Variants in JAK2 observed in about 807,000 individuals in gnomAD.
JAK2 encodes Janus kinase 2, also known as tyrosine-protein kinase JAK2.
JAK2 carries 86 observed loss-of-function variants against 139.3 expected under a neutral mutation model. The observed-to-expected ratio is 0.62, with a 90% CI of 0.52 to 0.74. The LOEUF is 0.74. Among genes scored for constraint, JAK2 ranks in the 30% least tolerant of loss-of-function variants. The probability of loss-of-function intolerance (pLI) is 0.00; values close to 1 mark genes in which losing one functional copy is unlikely to be tolerated. For synonymous variants in JAK2, 490 were observed against 437.7 expected, an observed-to-expected ratio of 1.12 and a Z score of -1.49; for missense variants, 1,421 against 1,360.3, an observed-to-expected ratio of 1.04 and a Z score of -0.70.
chr9:5,114,077 C>A, intron 22 of JAK2: 1 of 341,006 alleles, frequency 2.9e-6, no homozygotes. Context: ...AGCTCACCCT[C>A]ACCCAGAAGC....
intron 5 of JAK2, among the ~76,000 whole-genome samples, chr9:5,047,513 T>C (rs1261925796): frequency 6.6e-6 from 1 of 152,248 alleles, no homozygotes; most frequent in Non-Finnish European, 1.5e-5. Context: ...TCAACAACAA[T>C]TGGATGTTTA....
At chr9:5,034,860 A>C (rs1823454217) in intron 4 of JAK2, among the ~76,000 whole-genome samples, 1 of 152,220 alleles carries the variant, frequency 6.6e-6, no homozygotes, top group Admixed American at 6.5e-5. Flanking sequence ...TTCAAAAGCT[A>C]GCAGAAGGCA....
At chr9:4,988,386 T>C (rs1315778017) in intron 2 of JAK2, among the ~76,000 whole-genome samples, 1 of 152,246 alleles carries the variant, frequency 6.6e-6, no homozygotes, top group East Asian at 1.9e-4. Flanking sequence ...GAACAGGAAA[T>C]GACAGTGTGG....
chr9:5,077,387 T>G, intron 14 of JAK2, 66 bp from the exon 15 acceptor site: 1 of 566,072 alleles, frequency 1.8e-6, no homozygotes. Flanking sequence ...TATAAAGATT[T>G]AAATTACATA....
chr9:5,056,482 G>T (rs10974939), intron 8 of JAK2, among the ~76,000 whole-genome samples: 35,224 of 151,908 alleles, frequency 0.23, 4,425 homozygotes, highest in South Asian at 0.3. Flanking sequence ...CTGTCTGGCT[G>T]TTCCAGGGTT....
In JAK2 at chr9:5,122,841, G is replaced by A. The variant is rs576466577; in HGVS notation, c.3060-163G>A. ...TCCCTCCTGAAATCTAAGTTCACAG[G>A]TGCCAGGCAAAAAGGCCCTTTTAAT... On this transcript the variant is annotated intron_variant, in intron 22 of 24. Coordinates refer to ENST00000381652, the MANE Select transcript of JAK2 (RefSeq NM_004972.4). Among the ~76,000 whole-genome samples the A allele has an allele frequency of 3.5e-5, 5 of 142,068 alleles. No individual in the cohort carries two copies. In the South Asian group the frequency reaches 1.1e-3, roughly 32 times the overall value. 93.2% of individuals were successfully genotyped at this position (142,068 alleles called of 152,430 possible).
intron 13 of JAK2, 57 bp downstream of exon 13, chr9:5,072,683 A>C: frequency 2.3e-6 from 3 of 1,333,112 alleles, no homozygotes; most frequent in Non-Finnish European, 3.0e-6. Flanking sequence ...ATGTGCTCTC[A>C]TATGCATACA....
intron 14 of JAK2, among the ~76,000 whole-genome samples, chr9:5,076,528 GT>G (rs905837290): frequency 1.6e-4 from 25 of 151,912 alleles, no homozygotes; most frequent in African/African-American, 6.0e-4. Context: ...TATATTCTTT[GT>G]TTTTTTTAAG....
At chr9:5,067,301 C>A (rs10815150) in intron 10 of JAK2, among the ~76,000 whole-genome samples, 52,152 of 151,802 alleles carry the variant, frequency 0.34, 9,708 homozygotes, top group African/African-American at 0.5. Flanking sequence ...CATGTTTCAA[C>A]GGTAAAACTG....
intron 10 of JAK2, among the ~76,000 whole-genome samples, chr9:5,068,173 AC>A (rs1220588981): frequency 2.8e-4 from 24 of 84,410 alleles, no homozygotes; most frequent in African/African-American, 2.1e-3. Flanking sequence ...AAAAACAACA[AC>A]AAAAAAAAAA....
chr9:5,112,443 G>A, intron 22 of JAK2: 1 of 529,552 alleles, frequency 1.9e-6, no homozygotes, highest in South Asian at 2.4e-5. Context: ...CTCAAGAGGA[G>A]AAGAAGGAGC....
rs138171213 is a variant in JAK2, at chr9:5,114,232, G to A, written c.3060-8772G>A. 2.3e-5 allele frequency: 12 copies of A among 521,896 alleles called. No homozygotes were observed. In the Middle Eastern group the frequency reaches 3.0e-3, roughly 132 times the overall value. The allele number at this position is 521,896 out of a possible 1,614,324, so 32.3% of individuals were successfully genotyped here. On this transcript the variant is annotated intron_variant, in intron 22 of 24. Transcript: ENST00000381652. ...TCCAGCCCCTTCTACCTGTTCATCC[G>A]CAAGTTGCCCACAATCACCTGTCTG...
chr9:5,081,893 T>C (rs1397913768), intron 19 of JAK2, 32 bp downstream of exon 19: 4 of 1,559,064 alleles, frequency 2.6e-6, no homozygotes, highest in Non-Finnish European at 3.5e-6. Flanking sequence ...AAATAGAGTA[T>C]AATCATTTCA....
rs1824134198 is a variant in JAK2, at chr9:5,128,248, G to T, written c.*1457G>T. On this transcript the variant is annotated 3_prime_UTR_variant, in exon 25 of 25. Transcript: ENST00000381652. Reference sequence around the variant, plus strand: ...AAGACTTCTGATTTTGGGTTGAAGGGAAGGAAAAGGAAGAAATGTTTTTTA... The same window carrying T: ...AAGACTTCTGATTTTGGGTTGAAGGTAAGGAAAAGGAAGAAATGTTTTTTA... The T allele has an allele frequency of 4.3e-6, 1 of 230,388 alleles. No individual in the cohort carries two copies. Among genetic ancestry groups the T allele is most frequent in the South Asian group, 1.8e-4 (1 of 5,498 alleles). The allele number at this position is 230,388 out of a possible 1,614,324, so 14.3% of individuals were successfully genotyped here.
At chr9:4,990,242 A>T (rs147620540) in intron 2 of JAK2, among the ~76,000 whole-genome samples, 1 of 152,316 alleles carries the variant, frequency 6.6e-6, no homozygotes, top group Non-Finnish European at 1.5e-5. Flanking sequence ...ATCTTAGAAC[A>T]TCTAAGTCTA....
chr9:4,992,358 A>G lies in JAK2; in HGVS notation c.-26+6336A>G, dbSNP rs78613331. On this transcript the variant is annotated intron_variant, in intron 2 of 24. Transcript: ENST00000381652. The stretch of plus-strand genomic sequence containing the variant: ...GATTTAGCCTTGGTAGCTGCACAGT[A>G]TAACTTCTGCCATGTCCTACTGGTT... 2.6e-5 allele frequency among the ~76,000 whole-genome samples: 4 copies of G among 152,336 alleles called. No homozygotes were observed. The East Asian group carries it at 5.8e-4, about 22-fold the overall frequency.
At chr9:5,064,862 C>A in intron 8 of JAK2, 21 bp from the exon 9 acceptor site, 2 of 1,497,488 alleles carry the variant, frequency 1.3e-6, no homozygotes, top group African/African-American at 1.4e-5. Context: ...GGTGCTATTT[C>A]TTTTTCTTTT....
chr9:5,041,299 C>A, intron 4 of JAK2: 2 of 864,672 alleles, frequency 2.3e-6, no homozygotes, highest in Non-Finnish European at 3.7e-6. Flanking sequence ...GTCTCAGGAC[C>A]AAGAAGCACA....
chr9:5,050,630 T>G (rs990181887), intron 5 of JAK2, 56 bp from the exon 6 acceptor site: 2 of 1,503,610 alleles, frequency 1.3e-6, no homozygotes, highest in Non-Finnish European at 9.2e-7. Flanking sequence ...AATCATAGAT[T>G]AAAACATGAT....
Sources: gnomAD v4.1 joint callset for allele counts (sites outside exome capture counted in the v4.1 genomes callset) on GRCh38, gnomAD v4.1.1 for gene constraint, MANE v1.5 for transcripts, NCBI Gene and HGNC (gene_info 2026-07-23, HGNC 2026-07-21) for gene names.